The following PITPNM3 variants were observed in gnomAD, a reference collection of about 807,000 sequenced individuals.
PITPNM3 encodes PITPNM family member 3.
In PITPNM3, 26 loss-of-function variants were observed where a neutral mutation model predicts 102.0. The observed-to-expected ratio is 0.25, with a 90% CI of 0.19 to 0.35. The LOEUF (loss-of-function observed/expected upper bound fraction) is 0.35, where lower values mean the gene tolerates loss of function less well. PITPNM3 is among the 10% of genes least tolerant of loss of function. The pLI is 1.00. For missense variants in PITPNM3, 1,083 were observed against 1,346.1 expected (o/e 0.80, Z 3.06); for synonymous variants, 578 against 558.6 (o/e 1.03, Z -0.49).
chr17:6,530,690 C>T (rs1370521712), intron 2 of PITPNM3, among the ~76,000 whole-genome samples: 2 of 152,166 alleles, frequency 1.3e-5, no homozygotes, highest in African/African-American at 4.8e-5. Context: ...CCTAGATCCA[C>T]CACCACCACC....
chr17:6,493,390 G>A (rs954708799), intron 4 of PITPNM3, among the ~76,000 whole-genome samples: 2 of 152,220 alleles, frequency 1.3e-5, no homozygotes, highest in African/African-American at 4.8e-5. Context: ...GCTGAGCCTC[G>A]TGTGGGTCAA....
intron 4 of PITPNM3, among the ~76,000 whole-genome samples, chr17:6,498,666 A>G (rs1906988786): frequency 6.6e-6 from 1 of 152,150 alleles, no homozygotes; most frequent in African/African-American, 2.4e-5. Context: ...GGTGGGTCTC[A>G]TAGCACTGCT....
At chr17:6,514,671 C>T (rs566941213) in intron 3 of PITPNM3, among the ~76,000 whole-genome samples, 1 of 152,294 alleles carries the variant, frequency 6.6e-6, no homozygotes, top group African/African-American at 2.4e-5. Flanking sequence ...TAAAGTGGGG[C>T]AGCTACTTTG....
chr17:6,518,287 G>T (rs1908300566), intron 3 of PITPNM3, among the ~76,000 whole-genome samples: 1 of 152,158 alleles, frequency 6.6e-6, no homozygotes, highest in African/African-American at 2.4e-5. Flanking sequence ...ACAGTGAGGG[G>T]GCTACTTATC....
chr17:6,555,434 G>C (rs1003918447), intron 1 of PITPNM3, among the ~76,000 whole-genome samples: 2 of 152,180 alleles, frequency 1.3e-5, no homozygotes, highest in African/African-American at 4.8e-5. Flanking sequence ...CAACGTCACG[G>C]GTTGGGTGTG....
In PITPNM3 at chr17:6,472,171, C is replaced by T. The variant is rs556927925; in HGVS notation, c.1429+486G>A. Among the ~76,000 whole-genome samples, 1 of 152,298 alleles carries T rather than the reference C, an allele frequency of 6.6e-6. No individual in the cohort carries two copies. Among genetic ancestry groups the T allele is most frequent in the East Asian group, 1.9e-4 (1 of 5,174 alleles). ...CACTGGCTCTTCGCCAAAACACCTG[C>T]CCTCGCTCCTGCTGTTCTCCCTGCC... On this transcript the variant is annotated intron_variant, in intron 11 of 19. Transcript: ENST00000262483. This position sits in a 1 kb window ranked among gnomAD's most constrained non-coding sequence, Gnocchi z 4.1.
At chr17:6,518,058 C>T (rs1366030992) in intron 3 of PITPNM3, among the ~76,000 whole-genome samples, 1 of 151,922 alleles carries the variant, frequency 6.6e-6, no homozygotes, top group Non-Finnish European at 1.5e-5. Flanking sequence ...TATTTTTTAA[C>T]TCATAAGGAA....
At chr17:6,514,026 G>C (rs1051464565) in intron 3 of PITPNM3, among the ~76,000 whole-genome samples, 1 of 152,168 alleles carries the variant, frequency 6.6e-6, no homozygotes, top group Non-Finnish European at 1.5e-5. Flanking sequence ...ATGGATGAGA[G>C]ATAGTCTTTT....
chr17:6,484,135 G>A (rs1905926105), intron 5 of PITPNM3, 81 bp downstream of exon 5: 39 of 1,441,018 alleles, frequency 2.7e-5, no homozygotes, highest in Non-Finnish European at 3.4e-5. Context: ...GGAAGAAAAC[G>A]AGGCCGCCTA....
chr17:6,546,288 A>G (rs1372834366), intron 1 of PITPNM3, among the ~76,000 whole-genome samples: 3 of 152,242 alleles, frequency 2.0e-5, no homozygotes, highest in African/African-American at 4.8e-5. Context: ...GGAAGGGCCT[A>G]TCTGCCCGAG....
At position 6,478,627 on chromosome 17, in the gene PITPNM3, C is replaced by T; in HGVS notation, c.697G>A (p.Val233Ile). 6.2e-7 allele frequency: 1 copy of T among 1,614,082 alleles called. No individual in the cohort carries two copies. The highest frequency in any genetic ancestry group is 8.5e-7 in the Non-Finnish European group (1 of 1,180,018). The change falls in exon 7 of 20, where the codon GTC (valine) becomes ATC (isoleucine). Residue 233 changes from valine (V) to isoleucine (I), a missense_variant. Transcript: ENST00000262483. This position sits in a 1 kb window ranked among gnomAD's most constrained non-coding sequence, Gnocchi z 4.4. ...TTGGCTCGCTCGATGACGGTGGCGA[C>T]AGCATCCTGGTACTGCGGGGAGGAG... ...AISSPQYQDA[V>I]ATVIERANQV...
chr17:6,533,780 T>C (rs1387810515), intron 2 of PITPNM3, among the ~76,000 whole-genome samples: 15 of 152,172 alleles, frequency 9.9e-5, no homozygotes, highest in Non-Finnish European at 1.5e-5. Context: ...TATTTGCTTG[T>C]GTATTGTCTT....
Position 6,478,200 on chromosome 17 carries a change from C to T in PITPNM3, c.778-103G>A, listed in dbSNP as rs939394081. The T allele has an allele frequency of 4.3e-5, 67 of 1,568,524 alleles. No homozygotes were observed. The highest frequency in any genetic ancestry group is 1.9e-4 in the Admixed American group (11 of 58,124). ...CCTCCCCACAGGAGAATGAGAAACT[C>T]GTCCTTGGGAGGTGTTGAGAGAGCC... is the stretch of plus-strand genomic sequence containing the variant. On this transcript the variant is annotated intron_variant, in intron 7 of 19. Transcript: ENST00000262483. The surrounding 1 kb of genome is among the most constrained non-coding windows in gnomAD (Gnocchi z 4.4).
chr17:6,475,565 C>T (rs560768145), intron 9 of PITPNM3, among the ~76,000 whole-genome samples: 72 of 152,356 alleles, frequency 4.7e-4, no homozygotes, highest in Non-Finnish European at 9.3e-4. Context: ...GCACTCCCTC[C>T]TGCCTCTTGC....
chr17:6,526,911 T>C (rs1908864238), intron 2 of PITPNM3, among the ~76,000 whole-genome samples: 1 of 152,210 alleles, frequency 6.6e-6, no homozygotes, highest in Non-Finnish European at 1.5e-5. Flanking sequence ...GGACATCCTG[T>C]ATTGGCTGCC....
At chr17:6,533,854 G>A (rs1308800713) in intron 2 of PITPNM3, among the ~76,000 whole-genome samples, 2 of 152,148 alleles carry the variant, frequency 1.3e-5, no homozygotes, top group African/African-American at 4.8e-5. Flanking sequence ...GGACTCGCTT[G>A]CTCCTGTATC....
chr17:6,504,675 G>A (rs949300562), intron 3 of PITPNM3, among the ~76,000 whole-genome samples: 7 of 152,148 alleles, frequency 4.6e-5, no homozygotes, highest in Admixed American at 2.6e-4. Flanking sequence ...TCCAGTGCTC[G>A]CTAAGAACCT....
At chr17:6,475,028 G>A (rs368553199) in intron 9 of PITPNM3, among the ~76,000 whole-genome samples, 12 of 152,276 alleles carry the variant, frequency 7.9e-5, no homozygotes, top group Non-Finnish European at 1.2e-4. Context: ...GGCCTGCCTC[G>A]TCATGCTGGC....
intron 15 of PITPNM3, 108 bp downstream of exon 15, chr17:6,464,547 C>A: frequency 8.0e-7 from 1 of 1,246,844 alleles, no homozygotes; most frequent in East Asian, 2.3e-5. Context: ...GTGCTTCCAC[C>A]CCAGGCAGCT....
Sources: allele counts gnomAD v4.1 joint callset (sites outside exome capture counted in the v4.1 genomes callset), GRCh38; gene constraint gnomAD v4.1.1; non-coding constraint Gnocchi (gnomAD v3.1); transcripts MANE v1.5; gene names NCBI Gene and HGNC (gene_info 2026-07-23, HGNC 2026-07-21).